KIF21B: variants seen among roughly 807,000 people sequenced by gnomAD.
KIF21B encodes the protein kinesin-like protein KIF21B.
Under a neutral mutation model 192.9 loss-of-function variants are expected in KIF21B, and 85 were observed. That is an observed-to-expected ratio of 0.44 (90% confidence interval 0.37 to 0.53). The LOEUF (loss-of-function observed/expected upper bound fraction) is 0.53. Among genes scored for constraint, KIF21B ranks in the 20% least tolerant of loss-of-function variants. KIF21B has a pLI of 0.00. For synonymous variants in KIF21B, 832 were observed against 884.6 expected (o/e 0.94, Z 1.05); for missense variants, 1,716 against 2,194.8 (o/e 0.78, Z 4.36).
chr1:200,974,152 G>A, intron 34 of KIF21B: 2 of 1,592,762 alleles, frequency 1.3e-6, no homozygotes, highest in South Asian at 1.1e-5. Flanking sequence ...GAAGGCAGGG[G>A]GTGAGTCCAG....
At chr1:201,007,593 C>T (rs903966473) in intron 3 of KIF21B, among the ~76,000 whole-genome samples, 1 of 150,554 alleles carries the variant, frequency 6.6e-6, no homozygotes, top group Non-Finnish European at 1.5e-5. Flanking sequence ...CACATAGACA[C>T]AGAGACACAC....
At position 200,996,268 on chromosome 1, in the gene KIF21B, A is replaced by C; in HGVS notation, c.2205T>G (p.Leu735=). ...QAAQKEHARL[L]KNQSRYEREL... ...CCCTCTCGTAGCGCGACTGGTTCTT[A>C]AGCAGCCGGGCGTGCTCTTTCTGGG... Residue 735 remains leucine (L), a synonymous_variant, in exon 15 of 35, where the codon CTT becomes CTG. Coordinates refer to ENST00000461742, the MANE Select transcript of KIF21B (RefSeq NM_001252102.2). The C allele has an allele frequency of 1.2e-6, 2 of 1,613,968 alleles. No individual in the cohort carries two copies. Among genetic ancestry groups the C allele is most frequent in the Non-Finnish European group, 1.7e-6 (2 of 1,179,988 alleles).
Position 200,988,876 on chromosome 1 carries a change from C to T in KIF21B, c.3188G>A (p.Arg1063Lys). The part of the protein sequence containing the change: ...AQIRLLEGRL[R>K]QTDMAGSSQN... ...GGAGGAGCCTGCCATATCCGTCTGC[C>T]TCAGTCGGCCCTCCAACAGCCGGAT... is the stretch of plus-strand genomic sequence containing the variant. Residue 1063 changes from arginine to lysine, a missense_variant, in exon 22 of 35, where the codon AGG becomes AAG. Physicochemically the swap from Arg to Lys is conservative, Grantham distance 26. Coordinates refer to ENST00000461742, the MANE Select transcript of KIF21B (RefSeq NM_001252102.2). 1.2e-6 allele frequency: 2 copies of T among 1,613,098 alleles called. No individual in the cohort carries two copies. The highest frequency in any genetic ancestry group is 2.2e-5 in the South Asian group (2 of 90,830).
rs76181640 is a variant in KIF21B, at chr1:201,015,536, T to C, written c.42-6048A>G. Among the ~76,000 whole-genome samples, 401 of 152,294 alleles carry C rather than the reference T, an allele frequency of 2.6e-3. 4 individuals are homozygous for C. The highest frequency in any genetic ancestry group is 9.3e-3 in the African/African-American group (385 of 41,558). On this transcript the variant is annotated intron_variant, in intron 1 of 34. Transcript: ENST00000461742. ...TCAGCAAGCCTAAGGGGAAAAGCAATGTCTGCCCTGATTCCATGATCTCTG... is the reference window on the plus strand; with the variant it reads ...TCAGCAAGCCTAAGGGGAAAAGCAACGTCTGCCCTGATTCCATGATCTCTG...
At chr1:200,991,875 G>A in intron 16 of KIF21B, 150 bp from the exon 17 acceptor site, 2 of 790,994 alleles carry the variant, frequency 2.5e-6, no homozygotes, top group South Asian at 1.8e-5. Flanking sequence ...ACCCAGGGTT[G>A]AGCTCCCCTC....
Position 200,999,808 on chromosome 1 carries a change from G to C in KIF21B, c.1767+75C>G. 10 of 1,515,468 alleles carry C rather than the reference G, an allele frequency of 6.6e-6. No individual in the cohort carries two copies. The South Asian group carries it at 1.1e-4, about 17-fold the overall frequency. 93.9% of individuals were successfully genotyped at this position (1,515,468 alleles called of 1,614,324 possible). On this transcript the variant is annotated intron_variant, in intron 12 of 34. Coordinates refer to ENST00000461742, the MANE Select transcript of KIF21B (RefSeq NM_001252102.2). This position sits in a 1 kb window ranked among gnomAD's most constrained non-coding sequence, Gnocchi z 4.7. ...CCTCCTTCACTCCATACAAGGATGCGGATGGGGCCCCCGCCAACCCCAGCA... is the reference window on the plus strand; with the variant it reads ...CCTCCTTCACTCCATACAAGGATGCCGATGGGGCCCCCGCCAACCCCAGCA...
intron 6 of KIF21B, 78 bp from the exon 7 acceptor site, chr1:201,004,533 A>C: frequency 7.8e-7 from 1 of 1,286,962 alleles, no homozygotes; most frequent in South Asian, 1.3e-5. Flanking sequence ...TCCCCAACCC[A>C]TCTGTACCTG....
chr1:200,984,661 GGGA>G (rs1350637888), intron 27 of KIF21B, among the ~76,000 whole-genome samples, 195 bp downstream of exon 27: 1 of 152,214 alleles, frequency 6.6e-6, no homozygotes, highest in Admixed American at 6.5e-5. Flanking sequence ...GCATTCTCAG[GGGA>G]GGAGAAGGGC....
chr1:200,984,201 G>A lies in KIF21B; in HGVS notation c.3803+658C>T, dbSNP rs556700396. 3.5e-4 allele frequency among the ~76,000 whole-genome samples: 53 copies of A among 152,338 alleles called. 2 individuals are homozygous for A. The South Asian group carries it at 0.011, about 30-fold the overall frequency. ...GGTGCAATTCTGCCACTTTCTAGGT[G>A]AACATCCCTGGCTCCCTCTTTGAGC... On this transcript the variant is annotated intron_variant, in intron 27 of 34. Coordinates refer to ENST00000461742, the MANE Select transcript of KIF21B (RefSeq NM_001252102.2).
intron 15 of KIF21B, among the ~76,000 whole-genome samples, chr1:200,993,238 T>C (rs1259747818): frequency 1.3e-5 from 2 of 152,264 alleles, no homozygotes; most frequent in East Asian, 1.9e-4. Context: ...GCCCAGAACA[T>C]AGAAGTGTAA....
rs773747249 is a variant in KIF21B at position 200,986,863 on chromosome 1, C to T, written c.3670G>A (p.Asp1224Asn). The change falls in exon 26 of 35, where the codon GAC (aspartate) becomes AAC (asparagine). Residue 1224 changes from aspartate (D) to asparagine (N), a missense_variant. Coordinates refer to ENST00000461742, the MANE Select transcript of KIF21B (RefSeq NM_001252102.2). ...TCTCACCTAATGGGCTGCCCTCGGT[C>T]GTAGGACTTCCTTCTCGTCAGCGGG... Reference protein sequence around the residue: ...TSPLTRRKSYDRGQPIRSTDV... With the variant: ...TSPLTRRKSYNRGQPIRSTDV... The T allele has an allele frequency of 1.9e-6, 3 of 1,613,672 alleles. No individual in the cohort carries two copies. Among genetic ancestry groups the T allele is most frequent in the Non-Finnish European group, 1.7e-6 (2 of 1,179,770 alleles).
chr1:200,973,873 T>C (rs1203276461), intron 34 of KIF21B: 1 of 1,446,706 alleles, frequency 6.9e-7, no homozygotes, highest in Non-Finnish European at 9.0e-7. Flanking sequence ...CTGGCACCCA[T>C]CTCCTGGGGC....
rs755035876 is a variant in KIF21B, at chr1:200,976,827, C to A, written c.4392G>T (p.Thr1464=). 6 of 1,613,618 alleles carry A rather than the reference C, an allele frequency of 3.7e-6. 1 individual carries two copies. The South Asian group carries it at 4.4e-5, about 12-fold the overall frequency. The change falls in exon 32 of 35, where the codon ACG becomes ACT. Residue 1464 remains threonine, a synonymous_variant. Transcript: ENST00000461742. ...TCACCACGAGGTCATGCTGGCTGGC[C>A]GTCTGGGTGACCGTCAGGCACATCA... ...GPVMCLTVTQ[T]ASQHDLVVTG... is the part of the protein sequence containing the mutation.
At position 201,017,592 on chromosome 1, in the gene KIF21B, G is replaced by GTGGGGAC. The variant is rs1396225055; in HGVS notation, c.41+5744_41+5750dup. Among the ~76,000 whole-genome samples, 2 of 152,244 alleles carry GTGGGGAC rather than the reference G, an allele frequency of 1.3e-5. No homozygotes were observed. Reference sequence around the variant, plus strand: ...ATCTGCATCTGGTGGGGAATGGCCAGTGGGGACTGGGCCCTGGGGATGCTC... The same window carrying GTGGGGAC: ...ATCTGCATCTGGTGGGGAATGGCCAGTGGGGACTGGGGACTGGGCCCTGGGGATGCTC... On this transcript the variant is annotated intron_variant, in intron 1 of 34. Coordinates refer to ENST00000461742, the MANE Select transcript of KIF21B (RefSeq NM_001252102.2). This position sits in a 1 kb window ranked among gnomAD's most constrained non-coding sequence, Gnocchi z 4.1.
chr1:200,976,146 C>A (rs296562), intron 32 of KIF21B, among the ~76,000 whole-genome samples: 65,551 of 151,948 alleles, frequency 0.43, 14,780 homozygotes, highest in African/African-American at 0.57. Flanking sequence ...GCTGGAGTGC[C>A]GTGGTGCAAA....
intron 26 of KIF21B, among the ~76,000 whole-genome samples, chr1:200,986,419 A>ACGATCTCAGCTCACTG (rs1225582609): frequency 6.7e-6 from 1 of 148,658 alleles, no homozygotes; most frequent in Non-Finnish European, 1.5e-5. Context: ...GCGTAGTGGC[A>ACGATCTCAGCTCACTG]CGATCTCAGC....
intron 15 of KIF21B, among the ~76,000 whole-genome samples, chr1:200,995,946 A>G (rs1463706096): frequency 6.6e-6 from 1 of 152,092 alleles, no homozygotes; most frequent in Non-Finnish European, 1.5e-5. Flanking sequence ...ACCTGCCCTG[A>G]ACACGACCCC....
At chr1:201,002,459 A>G (rs1470173941) in intron 8 of KIF21B, 109 bp from the exon 9 acceptor site, 2 of 942,678 alleles carry the variant, frequency 2.1e-6, no homozygotes, top group Non-Finnish European at 1.6e-6. Context: ...TCCCCTGGAT[A>G]TGGCGCATCA....
Position 201,000,306 on chromosome 1 carries a change from T to G in KIF21B, c.1685+84A>C. 1.5e-6 allele frequency: 2 copies of G among 1,333,798 alleles called. No individual in the cohort carries two copies. Among genetic ancestry groups the G allele is most frequent in the Non-Finnish European group, 2.0e-6 (2 of 981,612 alleles). 82.6% of individuals were successfully genotyped at this position (1,333,798 alleles called of 1,614,324 possible). A position where few individuals can be genotyped will look rare whatever the true frequency, so the allele number is the denominator to read the frequency against. Reference sequence around the variant, plus strand: ...GTGGAGGTTCCCTCCTAAACACTGGTGGGCAGCAGTCCTCCTTGGGGACGG... The same window carrying G: ...GTGGAGGTTCCCTCCTAAACACTGGGGGGCAGCAGTCCTCCTTGGGGACGG... On this transcript the variant is annotated intron_variant, in intron 11 of 34. Coordinates refer to ENST00000461742, the MANE Select transcript of KIF21B (RefSeq NM_001252102.2). The surrounding 1 kb of genome is among the most constrained non-coding windows in gnomAD (Gnocchi z 6.0).
Sources: allele counts gnomAD v4.1 joint callset (sites outside exome capture counted in the v4.1 genomes callset), GRCh38; gene constraint gnomAD v4.1.1; non-coding constraint Gnocchi (gnomAD v3.1); transcripts MANE v1.5; gene names NCBI Gene and HGNC (gene_info 2026-07-23, HGNC 2026-07-21).